RBFOX1: variants seen among roughly 807,000 people sequenced by gnomAD.
RBFOX1 encodes RNA binding fox-1 homolog 1.
In RBFOX1, 8 loss-of-function variants were observed where a neutral mutation model predicts 57.7. That is an observed-to-expected ratio of 0.14 (90% CI 0.08 to 0.25). The LOEUF (loss-of-function observed/expected upper bound fraction) is 0.25. RBFOX1 is among the 10% of genes least tolerant of loss of function. RBFOX1 has a pLI of 1.00. For missense variants in RBFOX1, 611 were observed against 548.5 expected, an observed-to-expected ratio of 1.11 and a Z score of -1.14; for synonymous variants, 326 against 222.4, an observed-to-expected ratio of 1.47 and a Z score of -4.15.
At chr16:7,303,975 G>C (rs66897759) in intron 4 of RBFOX1, among the ~76,000 whole-genome samples, 9,400 of 151,946 alleles carry the variant, frequency 0.062, 369 homozygotes, top group East Asian at 0.12. Context: ...AGGGGTATGG[G>C]GTGGGGGGCC....
At chr16:5,530,037 C>T (rs1597413176) in intron 2 of RBFOX1, among the ~76,000 whole-genome samples, 2 of 152,260 alleles carry the variant, frequency 1.3e-5, no homozygotes, top group South Asian at 4.2e-4. Context: ...ATGCAGACAC[C>T]TTGCTTTCAG....
intron 3 of RBFOX1, among the ~76,000 whole-genome samples, chr16:6,815,972 T>C (rs528883973): frequency 3.3e-5 from 5 of 152,330 alleles, no homozygotes; most frequent in African/African-American, 9.6e-5. Context: ...AATATTAAGG[T>C]TGGCAAATCC....
chr16:5,417,935 G>A (rs976717560), intron 1 of RBFOX1, among the ~76,000 whole-genome samples: 1 of 152,084 alleles, frequency 6.6e-6, no homozygotes, highest in East Asian at 1.9e-4. Context: ...ACAAAAATTC[G>A]CTGGGTGTTG....
chr16:6,626,119 C>A (rs1350406805), intron 2 of RBFOX1, among the ~76,000 whole-genome samples: 1 of 150,914 alleles, frequency 6.6e-6, no homozygotes. Flanking sequence ...AACATTGCAT[C>A]AAGGCCTAAA....
At chr16:7,192,341 T>C (rs1206870075) in intron 4 of RBFOX1, among the ~76,000 whole-genome samples, 2 of 151,986 alleles carry the variant, frequency 1.3e-5, no homozygotes, top group African/African-American at 2.4e-5. Flanking sequence ...TCTAAGAGAG[T>C]TGGGGTGAGA....
At chr16:7,336,799 C>A (rs983675156) in intron 4 of RBFOX1, among the ~76,000 whole-genome samples, 3 of 152,194 alleles carry the variant, frequency 2.0e-5, no homozygotes, top group African/African-American at 7.2e-5. Flanking sequence ...CCAAAAAGCT[C>A]TGAAAATCAA....
intron 4 of RBFOX1, among the ~76,000 whole-genome samples, chr16:7,479,035 C>T (rs752923034): frequency 4.5e-4 from 69 of 151,908 alleles, no homozygotes; most frequent in Non-Finnish European, 6.6e-4. Context: ...GAGTTTATCC[C>T]GAATCCACAA....
chr16:7,675,660 G>A (rs145744166), intron 13 of RBFOX1, among the ~76,000 whole-genome samples: 35 of 152,210 alleles, frequency 2.3e-4, no homozygotes, highest in Non-Finnish European at 4.1e-4. Flanking sequence ...ATGTCTTATC[G>A]TATTTAGTTT....
intron 3 of RBFOX1, among the ~76,000 whole-genome samples, chr16:6,875,368 TC>T (rs1393267244): frequency 5.3e-5 from 8 of 152,170 alleles, no homozygotes; most frequent in African/African-American, 2.4e-5. Flanking sequence ...ACCTCTCCTG[TC>T]CAATATGACC....
chr16:5,807,439 G>T (rs1382433498), intron 3 of RBFOX1, among the ~76,000 whole-genome samples: 2 of 152,150 alleles, frequency 1.3e-5, no homozygotes, highest in Admixed American at 6.5e-5. Context: ...TGCTGCAAAA[G>T]GTGGAGCTGG....
chr16:7,396,917 G>A (rs951078107), intron 4 of RBFOX1, among the ~76,000 whole-genome samples: 3 of 152,072 alleles, frequency 2.0e-5, no homozygotes, highest in African/African-American at 7.2e-5. Context: ...CTCCGGCCTG[G>A]GCTATAGGGT....
intron 1 of RBFOX1, among the ~76,000 whole-genome samples, chr16:6,278,726 A>T (rs2076086769): frequency 6.6e-6 from 1 of 152,132 alleles, no homozygotes; most frequent in South Asian, 2.1e-4. Flanking sequence ...AGATATTTGC[A>T]TACAGCTTAG....
At chr16:7,425,104 G>C (rs1324297959) in intron 4 of RBFOX1, among the ~76,000 whole-genome samples, 3 of 151,958 alleles carry the variant, frequency 2.0e-5, no homozygotes, top group East Asian at 1.9e-4. Context: ...TTTTTTTCCA[G>C]GGAAAGGCTT....
intron 4 of RBFOX1, among the ~76,000 whole-genome samples, chr16:7,386,456 A>G (rs1283198677): frequency 7.8e-6 from 1 of 127,430 alleles, no homozygotes; most frequent in African/African-American, 3.1e-5. Flanking sequence ...TTCACCTCCC[A>G]CTTATGAGAA....
intron 1 of RBFOX1, among the ~76,000 whole-genome samples, chr16:6,218,890 T>A (rs908667721): frequency 1.3e-5 from 2 of 152,018 alleles, no homozygotes; most frequent in African/African-American, 4.8e-5. Context: ...AAAGTCCTAA[T>A]TATAGTTTTT....
chr16:5,816,016 G>C (rs1257158447), intron 3 of RBFOX1, among the ~76,000 whole-genome samples: 1 of 152,228 alleles, frequency 6.6e-6, no homozygotes, highest in African/African-American at 2.4e-5. Context: ...TCTGGGTTGA[G>C]AGGGGCCCAG....
intron 4 of RBFOX1, among the ~76,000 whole-genome samples, chr16:7,159,015 C>G (rs1283598975): frequency 1.3e-5 from 2 of 151,812 alleles, no homozygotes; most frequent in East Asian, 1.9e-4. Flanking sequence ...CCCCATTTCT[C>G]TCACCCCTAC....
At chr16:5,306,124 C>T (rs889519688) in intron 1 of RBFOX1, among the ~76,000 whole-genome samples, 1 of 152,100 alleles carries the variant, frequency 6.6e-6, no homozygotes, top group East Asian at 1.9e-4. Flanking sequence ...TTGCTTGAGC[C>T]CAGGAGGTTG....
intron 2 of RBFOX1, among the ~76,000 whole-genome samples, chr16:6,424,952 C>T (rs1291296437): frequency 1.3e-5 from 2 of 151,892 alleles, no homozygotes; most frequent in South Asian, 2.1e-4. Context: ...GCATCTAAGT[C>T]GACATACCAA....
Sources: gnomAD v4.1 joint callset for allele counts (sites outside exome capture counted in the v4.1 genomes callset) on GRCh38, gnomAD v4.1.1 for gene constraint, MANE v1.5 for transcripts, NCBI Gene and HGNC (gene_info 2026-07-23, HGNC 2026-07-21) for gene names.